Variants in RILPL1 observed in about 807,000 individuals in gnomAD.
RILPL1 encodes the protein RILP-like protein 1.
RILPL1 carries 33 observed loss-of-function variants against 50.3 expected under a neutral mutation model. The observed-to-expected ratio is 0.66, with a 90% CI of 0.50 to 0.88. The LOEUF (loss-of-function observed/expected upper bound fraction) is 0.88, where lower values mean the gene tolerates loss of function less well. Among genes scored for constraint, RILPL1 ranks in the 40% least tolerant of loss-of-function variants. RILPL1 has a pLI of 0.00. For missense variants in RILPL1, 418 were observed against 542.5 expected (o/e 0.77, Z 2.28); for synonymous variants, 205 against 228.6 (o/e 0.90, Z 0.93).
chr12:123,528,714 C>T (rs1296557665), intron 1 of RILPL1, among the ~76,000 whole-genome samples: 1 of 152,152 alleles, frequency 6.6e-6, no homozygotes, highest in African/African-American at 2.4e-5. Flanking sequence ...GCTTGAGCCA[C>T]CGCGCCCGAC....
chr12:123,502,509 TACAC>T (rs1428477359), intron 2 of RILPL1, among the ~76,000 whole-genome samples: 2 of 152,234 alleles, frequency 1.3e-5, no homozygotes, highest in Non-Finnish European at 2.9e-5. Context: ...TCACAGTTAA[TACAC>T]ACAGAGCCCT....
intron 2 of RILPL1, among the ~76,000 whole-genome samples, chr12:123,502,267 A>G (rs1231778727): frequency 6.6e-6 from 1 of 152,216 alleles, no homozygotes; most frequent in African/African-American, 2.4e-5. Context: ...ACAAAGATCA[A>G]TAACAAGGGT....
chr12:123,475,156 C>T (rs1881505989), intron 6 of RILPL1: 1 of 162,970 alleles, frequency 6.1e-6, no homozygotes, highest in South Asian at 1.7e-4. Context: ...CTCTCTCTGA[C>T]TCAGGTAAAC....
intron 2 of RILPL1, among the ~76,000 whole-genome samples, chr12:123,507,582 GT>G (rs1883826366): frequency 6.7e-6 from 1 of 149,502 alleles, no homozygotes; most frequent in Non-Finnish European, 1.5e-5. Context: ...AAAAAAAGAT[GT>G]ATGTGTGTAT....
intron 2 of RILPL1, among the ~76,000 whole-genome samples, chr12:123,502,678 C>CAGTTAACAATAACA (rs1883471545): frequency 6.6e-6 from 1 of 152,216 alleles, no homozygotes; most frequent in Non-Finnish European, 1.5e-5. Context: ...CGCAGGTGCC[C>CAGTTAACAATAACA]ATTAAGTTAT....
rs1046794693 is a variant in RILPL1, at chr12:123,475,996, C to T, written c.1068-3314G>A. On this transcript the variant is annotated intron_variant, in intron 6 of 6. Coordinates refer to ENST00000376874, the MANE Select transcript of RILPL1 (RefSeq NM_178314.5). ...TCAGCTTACTGCAACCTCCTCCTCC[C>T]GGGTTCAAGCGATTCTCCTGCCTTA... The T allele has an allele frequency of 2.7e-5, 11 of 409,786 alleles. 1 individual carries two copies. Among genetic ancestry groups the T allele is most frequent in the South Asian group, 1.5e-4 (6 of 38,828 alleles). The allele number at this position is 409,786 out of a possible 1,614,324, so 25.4% of individuals were successfully genotyped here. A position where few individuals can be genotyped will look rare whatever the true frequency, so the allele number is the denominator to read the frequency against.
chr12:123,511,090 GGT>G (rs1200710491), intron 2 of RILPL1, among the ~76,000 whole-genome samples: 3 of 129,710 alleles, frequency 2.3e-5, no homozygotes, highest in Non-Finnish European at 4.8e-5. Context: ...GTCTGTGTGT[GGT>G]GTGTGTGTTA....
At chr12:123,479,527 G>A (rs973184240) in intron 6 of RILPL1, among the ~76,000 whole-genome samples, 1 of 152,122 alleles carries the variant, frequency 6.6e-6, no homozygotes, top group Non-Finnish European at 1.5e-5. Flanking sequence ...GCCAGCCCAG[G>A]GAAGATCTGT....
At chr12:123,479,701 A>G (rs1478567663) in intron 6 of RILPL1, among the ~76,000 whole-genome samples, 2 of 152,164 alleles carry the variant, frequency 1.3e-5, no homozygotes, top group African/African-American at 4.8e-5. Context: ...TGGGGCTGCC[A>G]CGGGACTGGT....
At chr12:123,513,139 C>T (rs112375005) in intron 2 of RILPL1, among the ~76,000 whole-genome samples, 4,679 of 98,412 alleles carry the variant, frequency 0.048, 126 homozygotes, top group African/African-American at 0.097. Flanking sequence ...GTGTGAGGTC[C>T]GTGTGTGTGT....
intron 4 of RILPL1, among the ~76,000 whole-genome samples, chr12:123,494,374 G>A (rs1882898599): frequency 6.6e-6 from 1 of 152,238 alleles, no homozygotes; most frequent in East Asian, 1.9e-4. Flanking sequence ...GCACTGCAAA[G>A]CAGCCTGGAG....
chr12:123,511,954 G>GTGGT (rs1884299248), intron 2 of RILPL1, among the ~76,000 whole-genome samples: 1 of 102,014 alleles, frequency 9.8e-6, no homozygotes, highest in Admixed American at 1.0e-4. Flanking sequence ...GTGTGTGTGT[G>GTGGT]GTGTGAGATC....
At chr12:123,518,010 C>G (rs1288471126) in intron 2 of RILPL1, among the ~76,000 whole-genome samples, 1 of 152,112 alleles carries the variant, frequency 6.6e-6, no homozygotes, top group Admixed American at 6.6e-5. Flanking sequence ...ATATAGGAGA[C>G]GCCTCAAGTA....
At chr12:123,477,984 T>C (rs71456800) in intron 6 of RILPL1, among the ~76,000 whole-genome samples, 1 of 126,824 alleles carries the variant, frequency 7.9e-6, no homozygotes, top group Non-Finnish European at 1.6e-5. Context: ...TCCATCTGTA[T>C]GTCTTTTTTT....
intron 2 of RILPL1, among the ~76,000 whole-genome samples, chr12:123,512,016 CTG>C (rs1309856609): frequency 1.3e-5 from 1 of 74,888 alleles, no homozygotes; most frequent in African/African-American, 5.4e-5. Flanking sequence ...TGTGTGAGGT[CTG>C]TGTGTGTAGT....
At chr12:123,511,637 TCTGTGTGTGTGAG>T (rs1884228652) in intron 2 of RILPL1, among the ~76,000 whole-genome samples, 1 of 123,880 alleles carries the variant, frequency 8.1e-6, no homozygotes, top group Non-Finnish European at 1.7e-5. Context: ...GTGTGTGAGG[TCTGTGTGTGTGAG>T]ATCTGTATGT....
At chr12:123,528,924 C>T (rs1885358678) in intron 1 of RILPL1, among the ~76,000 whole-genome samples, 1 of 152,098 alleles carries the variant, frequency 6.6e-6, no homozygotes, top group African/African-American at 2.4e-5. Context: ...GATCAATCAT[C>T]TCCTTCACGT....
intron 6 of RILPL1, chr12:123,475,654 A>G (rs763521441): frequency 1.3e-6 from 2 of 1,567,642 alleles, no homozygotes; most frequent in Non-Finnish European, 1.7e-6. Flanking sequence ...AAACACACAC[A>G]GTGCCTACAA....
intron 1 of RILPL1, among the ~76,000 whole-genome samples, chr12:123,532,786 T>C (rs905028012): frequency 4.6e-5 from 7 of 151,050 alleles, no homozygotes; most frequent in Non-Finnish European, 1.0e-4. Context: ...GCTTATTTCA[T>C]GTCTGGAAGA....
Sources: gnomAD v4.1 joint callset for allele counts (sites outside exome capture counted in the v4.1 genomes callset) on GRCh38, gnomAD v4.1.1 for gene constraint, MANE v1.5 for transcripts, NCBI Gene and HGNC (gene_info 2026-07-23, HGNC 2026-07-21) for gene names.